RAP1GAP2: variants seen among roughly 807,000 people sequenced by gnomAD.
RAP1GAP2 encodes RAP1 GTPase activating protein 2, also known as rap1 GTPase-activating protein 2.
RAP1GAP2 carries 27 observed loss-of-function variants against 95.0 expected under a neutral mutation model. The observed-to-expected ratio is 0.28, with a 90% CI of 0.21 to 0.39. The LOEUF (loss-of-function observed/expected upper bound fraction) is 0.39, where lower values mean the gene tolerates loss of function less well. Among genes scored for constraint, RAP1GAP2 ranks in the 10% least tolerant of loss-of-function variants. The pLI is 1.00. For synonymous variants in RAP1GAP2, 373 were observed against 380.9 expected, an observed-to-expected ratio of 0.98 and a Z score of 0.24; for missense variants, 771 against 970.0, an observed-to-expected ratio of 0.79 and a Z score of 2.72.
chr17:2,853,463 G>A (rs2071972182), intron 2 of RAP1GAP2, among the ~76,000 whole-genome samples: 1 of 151,322 alleles, frequency 6.6e-6, no homozygotes, highest in African/African-American at 2.4e-5. Flanking sequence ...GCCTGGGGAG[G>A]GAGCTCGGGG....
intron 2 of RAP1GAP2, among the ~76,000 whole-genome samples, chr17:2,831,525 C>T (rs990621661): frequency 2.0e-5 from 3 of 151,496 alleles, no homozygotes; most frequent in Non-Finnish European, 2.9e-5. Flanking sequence ...TAGTATTTAA[C>T]GGTGTGGATT....
At chr17:2,912,306 TG>T (rs201081214) in intron 3 of RAP1GAP2, among the ~76,000 whole-genome samples, 119 of 142,046 alleles carry the variant, frequency 8.4e-4, no homozygotes, top group Non-Finnish European at 1.4e-3. Flanking sequence ...GGGGGTGGTG[TG>T]TGGGGGCTTC....
Position 2,878,099 on chromosome 17 carries a change from G to A in RAP1GAP2, c.81-27185G>A, listed in dbSNP as rs540811421. On this transcript the variant is annotated intron_variant, in intron 2 of 24. Transcript: ENST00000254695. ...TGGCATCCTCTGGAAATGCAGATGC[G>A]TAAAGGTGGGTCTGGGCTGGGTCCT... 3.3e-5 allele frequency among the ~76,000 whole-genome samples: 5 copies of A among 152,236 alleles called. No homozygotes were observed. The East Asian group carries it at 7.7e-4, about 23-fold the overall frequency.
intron 8 of RAP1GAP2, among the ~76,000 whole-genome samples, chr17:2,968,600 C>A (rs1183494260): frequency 2.0e-5 from 3 of 151,654 alleles, no homozygotes; most frequent in Non-Finnish European, 4.4e-5. Context: ...GGAAGCATTC[C>A]AAATAGTAAG....
In RAP1GAP2 at chr17:2,902,978, C is replaced by T. The variant is rs551944198; in HGVS notation, c.81-2306C>T. ...ACTGTGTGTATGAGCGTCCAGTGACCGGTGATGTTAAAACCAGCTCTGTCC... is the reference window on the plus strand; with the variant it reads ...ACTGTGTGTATGAGCGTCCAGTGACTGGTGATGTTAAAACCAGCTCTGTCC... On this transcript the variant is annotated intron_variant, in intron 2 of 24. Transcript: ENST00000254695. This position sits in a 1 kb window ranked among gnomAD's most constrained non-coding sequence, Gnocchi z 4.1. 1.2e-3 allele frequency among the ~76,000 whole-genome samples: 186 copies of T among 152,248 alleles called. No individual in the cohort carries two copies. The highest frequency in any genetic ancestry group is 2.0e-3 in the Non-Finnish European group (138 of 68,018).
intron 23 of RAP1GAP2, 130 bp from the exon 24 acceptor site, chr17:3,032,281 C>G: frequency 1.0e-6 from 1 of 991,402 alleles, no homozygotes; most frequent in African/African-American, 1.6e-5. Flanking sequence ...GTGGGAAGTG[C>G]TTGTTCCTGG....
At chr17:2,917,106 A>G (rs934834753) in intron 3 of RAP1GAP2, among the ~76,000 whole-genome samples, 7 of 152,202 alleles carry the variant, frequency 4.6e-5, no homozygotes, top group Admixed American at 1.3e-4. Flanking sequence ...TGGATTGGCC[A>G]CATGATCCTG....
At chr17:2,931,494 C>T (rs900773642) in intron 3 of RAP1GAP2, among the ~76,000 whole-genome samples, 3 of 152,304 alleles carry the variant, frequency 2.0e-5, no homozygotes, top group South Asian at 4.1e-4. Context: ...ACCCTAACCT[C>T]GTTAGGGCCT....
At chr17:2,873,950 C>T (rs112162413) in intron 2 of RAP1GAP2, among the ~76,000 whole-genome samples, 19,966 of 149,316 alleles carry the variant, frequency 0.13, 1,504 homozygotes, top group South Asian at 0.21. Flanking sequence ...TTGGTAGAGA[C>T]GCGGTGGGGG....
intron 3 of RAP1GAP2, among the ~76,000 whole-genome samples, chr17:2,914,901 C>T (rs997538556): frequency 6.6e-6 from 1 of 151,614 alleles, no homozygotes; most frequent in Non-Finnish European, 1.5e-5. Flanking sequence ...AAACGATTCT[C>T]CTGCCTCAGT....
intron 3 of RAP1GAP2, among the ~76,000 whole-genome samples, chr17:2,908,509 C>T (rs2042272916): frequency 6.6e-6 from 1 of 151,988 alleles, no homozygotes; most frequent in Non-Finnish European, 1.5e-5. Context: ...AGATGGAAGC[C>T]TGACTCGGAG....
chr17:2,937,931 C>T (rs1301850887), intron 3 of RAP1GAP2, among the ~76,000 whole-genome samples: 1 of 152,104 alleles, frequency 6.6e-6, no homozygotes, highest in Non-Finnish European at 1.5e-5. Flanking sequence ...ATTTCCTGGC[C>T]TCTGTTCTCC....
chr17:2,800,134 G>A, intron 1 of RAP1GAP2: 1 of 966,264 alleles, frequency 1.0e-6, no homozygotes, highest in Non-Finnish European at 1.2e-6. Flanking sequence ...GACCCCTGAA[G>A]CCGGGTTGCT....
chr17:3,019,498 A>T (rs2046883503), intron 18 of RAP1GAP2, among the ~76,000 whole-genome samples: 1 of 152,184 alleles, frequency 6.6e-6, no homozygotes, highest in African/African-American at 2.4e-5. Context: ...TGGATGTCAG[A>T]GTGAGACCCT....
At chr17:2,807,196 C>T (rs1018109237) in intron 2 of RAP1GAP2, among the ~76,000 whole-genome samples, 4 of 152,242 alleles carry the variant, frequency 2.6e-5, no homozygotes, top group Middle Eastern at 3.2e-3. Context: ...CGCCTCCGGC[C>T]GTTGATTCCA....
intron 3 of RAP1GAP2, among the ~76,000 whole-genome samples, chr17:2,952,876 C>T (rs1049330697): frequency 2.6e-5 from 4 of 152,036 alleles, no homozygotes; most frequent in African/African-American, 7.3e-5. Context: ...GGGATCTCAG[C>T]TCACTGCAGC....
Position 2,853,762 on chromosome 17 carries a change from C to T in RAP1GAP2, c.81-51522C>T, listed in dbSNP as rs1289897031. ...GAGCGAGCCTCGGAAATGCCCGCGCCGGGGGAGCGGACGGCGGCTGCCCCG... is the reference window on the plus strand; with the variant it reads ...GAGCGAGCCTCGGAAATGCCCGCGCTGGGGGAGCGGACGGCGGCTGCCCCG... On this transcript the variant is annotated intron_variant, in intron 2 of 24. Coordinates refer to ENST00000254695, the MANE Select transcript of RAP1GAP2 (RefSeq NM_015085.5). Among the ~76,000 whole-genome samples the T allele has an allele frequency of 3.4e-5, 5 of 147,032 alleles. No individual in the cohort carries two copies. The East Asian group carries it at 7.9e-4, about 23-fold the overall frequency.
intron 8 of RAP1GAP2, among the ~76,000 whole-genome samples, chr17:2,977,943 A>G (rs1302712486): frequency 2.0e-5 from 3 of 152,104 alleles, no homozygotes; most frequent in Admixed American, 2.0e-4. Flanking sequence ...AAATATTCCA[A>G]GACCCCCAGT....
At chr17:2,954,993 C>T (rs1048117905) in intron 3 of RAP1GAP2, among the ~76,000 whole-genome samples, 3 of 152,126 alleles carry the variant, frequency 2.0e-5, no homozygotes, top group Non-Finnish European at 4.4e-5. Context: ...ATTATTCCAT[C>T]GTATGGATAC....
Sources: gnomAD v4.1 joint callset for allele counts (sites outside exome capture counted in the v4.1 genomes callset) on GRCh38, gnomAD v4.1.1 for gene constraint, Gnocchi (gnomAD v3.1) non-coding constraint, MANE v1.5 for transcripts, NCBI Gene and HGNC (gene_info 2026-07-23, HGNC 2026-07-21) for gene names.